Variants in EVC observed in about 807,000 individuals in gnomAD.
The protein encoded by EVC is EvC ciliary complex subunit 1.
Under a neutral mutation model 118.9 loss-of-function variants are expected in EVC, and 116 were observed. The observed-to-expected ratio is 0.98, with a 90% CI of 0.84 to 1.14. The LOEUF (loss-of-function observed/expected upper bound fraction) is 1.14. Ranked by LOEUF, EVC falls within the 50% of genes most tolerant of loss-of-function variation. The pLI, the probability that EVC is intolerant of heterozygous loss-of-function variation, is 0.00. For synonymous variants in EVC, 619 were observed against 534.7 expected (o/e 1.16, Z -2.18); for missense variants, 1,401 against 1,246.4 (o/e 1.12, Z -1.87).
rs1262099764 is a variant in EVC at position 5,752,756 on chromosome 4, C to G, written c.1099-80C>G. The G allele has an allele frequency of 7.0e-6, 10 of 1,438,238 alleles. No homozygotes were observed. In the African/African-American group the frequency reaches 9.8e-5, roughly 14 times the overall value. 89.1% of individuals were successfully genotyped at this position (1,438,238 alleles called of 1,614,324 possible). Reference sequence around the variant, plus strand: ...TGCCATTAGTTAATGACCCTGGTGGCTTCTTCTCAGCTGTTAATTAACATG... The same window carrying G: ...TGCCATTAGTTAATGACCCTGGTGGGTTCTTCTCAGCTGTTAATTAACATG... On this transcript the variant is annotated intron_variant, in intron 8 of 20. Transcript: ENST00000264956.
intron 2 of EVC, among the ~76,000 whole-genome samples, chr4:5,725,915 C>G (rs902688860): frequency 6.6e-6 from 1 of 152,152 alleles, no homozygotes; most frequent in Non-Finnish European, 1.5e-5. Context: ...GGGTCTTCCC[C>G]CATTCTTGTC....
At chr4:5,824,285 T>G in the EVC span, 1 of 985,242 alleles carries the variant, frequency 1.0e-6, no homozygotes, top group Non-Finnish European at 1.2e-6. Flanking sequence ...GAGCATCACA[T>G]GACTTTTAGC....
downstream of EVC, among the ~76,000 whole-genome samples, chr4:5,817,751 GTTGAGTC>G (rs1237580073): frequency 6.6e-6 from 1 of 152,182 alleles, no homozygotes; most frequent in African/African-American, 2.4e-5. Flanking sequence ...GAGTAGCTCT[GTTGAGTC>G]TATAGAGATT....
Position 5,731,710 on chromosome 4 carries a change from C to A in EVC, c.617+53C>A. 1 of 1,504,328 alleles carries A rather than the reference C, an allele frequency of 6.6e-7. No homozygotes were observed. The highest frequency in any genetic ancestry group is 9.1e-7 in the Non-Finnish European group (1 of 1,094,376). The allele number at this position is 1,504,328 out of a possible 1,614,324, so 93.2% of individuals were successfully genotyped here. On this transcript the variant is annotated intron_variant, in intron 4 of 20. Coordinates refer to ENST00000264956, the MANE Select transcript of EVC (RefSeq NM_153717.3). The surrounding 1 kb of genome is among the most constrained non-coding windows in gnomAD (Gnocchi z 5.6). Reference sequence around the variant, plus strand: ...GGCTTCCAGTCCTCTTGGAGTGGGCCGGGAGTCACATCATTGTCAGAGGAG... The same window carrying A: ...GGCTTCCAGTCCTCTTGGAGTGGGCAGGGAGTCACATCATTGTCAGAGGAG...
At chr4:5,817,198 T>C (rs1717844112), downstream of EVC, among the ~76,000 whole-genome samples, 1 of 152,212 alleles carries the variant, frequency 6.6e-6, no homozygotes, top group Admixed American at 6.5e-5. Flanking sequence ...GTCGACATTC[T>C]TCCTTCCAAA....
At chr4:5,732,866 C>A (rs929504336) in intron 4 of EVC, among the ~76,000 whole-genome samples, 2 of 151,974 alleles carry the variant, frequency 1.3e-5, no homozygotes, top group African/African-American at 4.8e-5. Flanking sequence ...CAAAATCAAC[C>A]GGGTATGGTG....
At chr4:5,729,874 C>T (rs941178286) in intron 3 of EVC, among the ~76,000 whole-genome samples, 5 of 152,158 alleles carry the variant, frequency 3.3e-5, no homozygotes, top group Non-Finnish European at 5.9e-5. Flanking sequence ...CCCAGAGAGG[C>T]GAGTGACCTG....
the EVC span, among the ~76,000 whole-genome samples, chr4:5,820,588 G>A: frequency 1.8e-4 from 27 of 152,032 alleles, no homozygotes; most frequent in Admixed American, 6.5e-4. Flanking sequence ...CCCTCTCTTC[G>A]CCTCCTTGGG....
At chr4:5,774,795 C>A (rs1734478658) in intron 11 of EVC, among the ~76,000 whole-genome samples, 1 of 152,106 alleles carries the variant, frequency 6.6e-6, no homozygotes, top group South Asian at 2.1e-4. Flanking sequence ...GTGTCCTGAC[C>A]CCTTTACACA....
intron 7 of EVC, among the ~76,000 whole-genome samples, chr4:5,747,202 C>T (rs1729489901): frequency 8.3e-6 from 1 of 120,296 alleles, no homozygotes; most frequent in Non-Finnish European, 1.7e-5. Context: ...AGACCGACAC[C>T]GCAGTTGAGG....
rs953594379 is a variant in EVC at position 5,749,860 on chromosome 4, C to T, written c.1098+1554C>T. Among the ~76,000 whole-genome samples, 2 of 152,158 alleles carry T rather than the reference C, an allele frequency of 1.3e-5. No individual in the cohort carries two copies. The highest frequency in any genetic ancestry group is 2.9e-5 in the Non-Finnish European group (2 of 68,034). On this transcript the variant is annotated intron_variant, in intron 8 of 20. Coordinates refer to ENST00000264956, the MANE Select transcript of EVC (RefSeq NM_153717.3). This position sits in a 1 kb window ranked among gnomAD's most constrained non-coding sequence, Gnocchi z 4.4. Reference sequence around the variant, plus strand: ...TTTGCCTCCCCTTGCACACCACATGCCTCTCCCAATCCGCTCTGCTCCTCC... The same window carrying T: ...TTTGCCTCCCCTTGCACACCACATGTCTCTCCCAATCCGCTCTGCTCCTCC...
At chr4:5,794,553 G>C (rs1259180129) in intron 13 of EVC, among the ~76,000 whole-genome samples, 2 of 151,170 alleles carry the variant, frequency 1.3e-5, no homozygotes, top group African/African-American at 4.9e-5. Context: ...TGGGATTACA[G>C]GTGCCCACCA....
rs1171426324 is a variant in EVC at position 5,738,928 on chromosome 4, G to C, written c.703-2788G>C. On this transcript the variant is annotated intron_variant, in intron 5 of 20. Coordinates refer to ENST00000264956, the MANE Select transcript of EVC (RefSeq NM_153717.3). The surrounding 1 kb of genome is among the most constrained non-coding windows in gnomAD (Gnocchi z 6.5). The stretch of plus-strand genomic sequence containing the variant: ...GATCATTAGCATTTTTTAGGAAGAA[G>C]TTATTTTTAAAATTAAGGTATGTAC... Among the ~76,000 whole-genome samples, 2 of 152,098 alleles carry C rather than the reference G, an allele frequency of 1.3e-5. No individual in the cohort carries two copies. The highest frequency in any genetic ancestry group is 2.9e-5 in the Non-Finnish European group (2 of 68,026).
chr4:5,827,616 A>ACG, the EVC span, among the ~76,000 whole-genome samples: 1 of 151,834 alleles, frequency 6.6e-6, no homozygotes, highest in Admixed American at 6.6e-5. Context: ...GCATACACAC[A>ACG]CGCGCACACA....
chr4:5,764,019 T>C (rs1404865124), intron 11 of EVC, among the ~76,000 whole-genome samples: 5 of 148,496 alleles, frequency 3.4e-5, no homozygotes, highest in Admixed American at 6.7e-5. Flanking sequence ...GCCCATTCAG[T>C]GTGATATTGG....
chr4:5,758,077 T>A (rs1176314656), intron 11 of EVC: 1 of 702,348 alleles, frequency 1.4e-6, no homozygotes. Flanking sequence ...GGTGTCCTTA[T>A]AAGAAGGCCA....
intron 19 of EVC, 124 bp from the exon 20 acceptor site, chr4:5,810,215 C>T (rs752418521): frequency 1.6e-5 from 12 of 765,334 alleles, no homozygotes; most frequent in Non-Finnish European, 2.8e-5. Flanking sequence ...GCATAAGATA[C>T]CAAGCATACA....
At chr4:5,819,924 G>T in the EVC span, among the ~76,000 whole-genome samples, 3 of 152,182 alleles carry the variant, frequency 2.0e-5, no homozygotes, top group East Asian at 3.9e-4. Context: ...CGAGGAGCGG[G>T]GGAGGAGAAG....
chr4:5,808,100 C>T, intron 17 of EVC, 101 bp from the exon 18 acceptor site: 1 of 977,886 alleles, frequency 1.0e-6, no homozygotes, highest in East Asian at 2.6e-5. Flanking sequence ...TCTTGGGGCT[C>T]CCAGGGATCA....
Sources: gnomAD v4.1 joint callset for allele counts (sites outside exome capture counted in the v4.1 genomes callset) on GRCh38, gnomAD v4.1.1 for gene constraint, Gnocchi (gnomAD v3.1) non-coding constraint, MANE v1.5 for transcripts, NCBI Gene and HGNC (gene_info 2026-07-23, HGNC 2026-07-21) for gene names.